CEP72: variants seen among roughly 807,000 people sequenced by gnomAD.
The protein encoded by CEP72 is centrosomal protein of 72 kDa.
In CEP72, 78 loss-of-function variants were observed where a neutral mutation model predicts 65.7. The ratio of observed to expected loss-of-function variants is 1.19; its 90% CI spans 0.99 to 1.43. The LOEUF is 1.43. Ranked by LOEUF, CEP72 falls within the 40% of genes most tolerant of loss-of-function variation. The pLI is 0.00. For missense variants in CEP72, 914 were observed against 832.9 expected (o/e 1.10, Z -1.20); for synonymous variants, 358 against 351.7 (o/e 1.02, Z -0.20).
chr5:643,545 C>T, intron 9 of CEP72: 4 of 985,370 alleles, frequency 4.1e-6, no homozygotes, highest in Non-Finnish European at 4.8e-6. Flanking sequence ...GCGGCGATAC[C>T]CCCAGCACGA....
chr5:669,266 G>T (rs568333740), downstream of CEP72, among the ~76,000 whole-genome samples: 1 of 139,204 alleles, frequency 7.2e-6, no homozygotes, highest in Admixed American at 7.1e-5. Flanking sequence ...CATCCCCCAG[G>T]GGGCGCTGGT....
At chr5:614,076 A>G (rs1390070618) in intron 1 of CEP72, among the ~76,000 whole-genome samples, 1 of 152,158 alleles carries the variant, frequency 6.6e-6, no homozygotes, top group Non-Finnish European at 1.5e-5. Context: ...GATGTTGATA[A>G]TCTGTGTATT....
intron 1 of CEP72, chr5:662,863 TCG>T (rs1739697673): frequency 1.4e-5 from 2 of 143,888 alleles, no homozygotes; most frequent in Admixed American, 6.8e-5. Context: ...CGGTGGCCAC[TCG>T]TCTGTGATCG....
intron 11 of CEP72, among the ~76,000 whole-genome samples, chr5:651,644 C>G (rs1739105246): frequency 6.6e-6 from 1 of 151,962 alleles, no homozygotes; most frequent in South Asian, 2.1e-4. Context: ...CTTAGTTTGT[C>G]TTTTAAGAAT....
In CEP72 at chr5:637,794, T is replaced by TC. The variant is rs1365262354; in HGVS notation, c.1183dup (p.Arg395ProfsTer64). 1 of 1,586,664 alleles carries TC rather than the reference T, an allele frequency of 6.3e-7. No individual in the cohort carries two copies. The highest frequency in any genetic ancestry group is 1.3e-5 in the African/African-American group (1 of 74,270). ...CCTCGGAGACTGAGGAGCAGAGGTC[T>TC]CGGGGTGTGACCGACACCAGAGAGG... On this transcript the variant is annotated frameshift_variant, in exon 7 of 12. Coordinates refer to ENST00000264935, the MANE Select transcript of CEP72 (RefSeq NM_018140.4). LOFTEE classifies it high-confidence loss of function.
rs1737944902 is a variant in CEP72, at chr5:640,587, C to T, written c.1522C>T (p.His508Tyr). ...EMSEVTAELH[H>Y]THKELDDLRQ... ...GAGCGAGGTGACGGCGGAGCTGCAC[C>T]ACACACACAAGGAGCTGGTGAGCCC... The change falls in exon 9 of 12, where the codon CAC becomes TAC. Residue 508 changes from histidine (H) to tyrosine (Y), a missense_variant. Transcript: ENST00000264935. 6.2e-7 allele frequency: 1 copy of T among 1,612,842 alleles called. No homozygotes were observed. Among genetic ancestry groups the T allele is most frequent in the Non-Finnish European group, 8.5e-7 (1 of 1,179,810 alleles).
At chr5:638,662 G>A (rs990172200) in intron 7 of CEP72, among the ~76,000 whole-genome samples, 8 of 152,154 alleles carry the variant, frequency 5.3e-5, no homozygotes, top group South Asian at 2.1e-4. Flanking sequence ...GTCTGTTTCA[G>A]GGTTATTGTT....
At chr5:664,987 C>T (rs959553665) in intron 2 of CEP72, 3 of 1,325,296 alleles carry the variant, frequency 2.3e-6, no homozygotes, top group East Asian at 2.4e-5. Flanking sequence ...CCCCAGCCCC[C>T]TCTGGGGCAC....
At chr5:642,479 G>C in intron 9 of CEP72, 1 of 985,488 alleles carries the variant, frequency 1.0e-6, no homozygotes, top group Non-Finnish European at 1.2e-6. Flanking sequence ...TTTTCTGTGG[G>C]ACACAGTCAG....
chr5:618,646 A>T (rs1341299002), intron 1 of CEP72, among the ~76,000 whole-genome samples: 1 of 152,088 alleles, frequency 6.6e-6, no homozygotes, highest in African/African-American at 2.4e-5. Context: ...GGGGCAGTGG[A>T]TGGAAAATGA....
the CEP72 span, among the ~76,000 whole-genome samples, chr5:675,402 C>G: frequency 1.0e-5 from 1 of 97,218 alleles, no homozygotes; most frequent in Non-Finnish European, 2.0e-5. Context: ...TGCAGTGTGG[C>G]CAGGGGTGCA....
At chr5:621,414 T>G (rs1736383379) in intron 3 of CEP72, among the ~76,000 whole-genome samples, 1 of 152,236 alleles carries the variant, frequency 6.6e-6, no homozygotes, top group African/African-American at 2.4e-5. Context: ...GAGATTTGTA[T>G]GTCAATTTCA....
chr5:649,185 T>TG (rs1184102246), intron 11 of CEP72, among the ~76,000 whole-genome samples: 6 of 100,186 alleles, frequency 6.0e-5, no homozygotes, highest in African/African-American at 1.2e-4. Context: ...CTGTGAGGTG[T>TG]GACTGTGAGG....
At chr5:616,192 G>A (rs1315610339) in intron 1 of CEP72, among the ~76,000 whole-genome samples, 1 of 152,086 alleles carries the variant, frequency 6.6e-6, no homozygotes, top group Non-Finnish European at 1.5e-5. Context: ...CTTAGGGCAG[G>A]TCTGCTTGTG....
rs1738722278 is a variant in CEP72, at chr5:649,225, T to TGACTGTGAGGTGTG, written c.1778+1310_1778+1323dup. On this transcript the variant is annotated intron_variant, in intron 11 of 11. Coordinates refer to ENST00000264935, the MANE Select transcript of CEP72 (RefSeq NM_018140.4). ...ACTGTGAGGTGTGGACTGTGAGGTG[T>TGACTGTGAGGTGTG]GACTGTGAGGTGTGACTGTGAGGTG... is the stretch of plus-strand genomic sequence containing the variant. Among the ~76,000 whole-genome samples the TGACTGTGAGGTGTG allele has an allele frequency of 4.6e-4, 20 of 43,124 alleles. 2 individuals carry two copies. The highest frequency in any genetic ancestry group is 1.7e-3 in the African/African-American group (13 of 7,498). The allele number at this position is 43,124 out of a possible 152,430, so 28.3% of individuals were successfully genotyped here.
intron 3 of CEP72, among the ~76,000 whole-genome samples, chr5:621,654 G>A (rs1736399865): frequency 6.6e-6 from 1 of 152,256 alleles, no homozygotes; most frequent in Non-Finnish European, 1.5e-5. Context: ...AGTAGACCGG[G>A]AAGGCTGTCT....
intron 6 of CEP72, among the ~76,000 whole-genome samples, 184 bp from the exon 7 acceptor site, chr5:637,333 C>T (rs1697983): frequency 0.25 from 37,799 of 151,956 alleles, 4,816 homozygotes; most frequent in East Asian, 0.44. Flanking sequence ...TCTGCATGTG[C>T]CTTTGTGCAG....
At chr5:616,703 G>T (rs1449752599) in intron 1 of CEP72, among the ~76,000 whole-genome samples, 1 of 152,092 alleles carries the variant, frequency 6.6e-6, no homozygotes, top group Non-Finnish European at 1.5e-5. Context: ...GAGAGTGAAG[G>T]GCACCACCTC....
rs1452269612 is a variant in CEP72 at position 645,921 on chromosome 5, G to A, written c.1666+1496G>A. ...GCGGCCTGTGTGGACGGTGAATTCG[G>A]CTTCGTTACACTGTGTGAGCGTCAC... On this transcript the variant is annotated intron_variant, in intron 10 of 11. Transcript: ENST00000264935. This position sits in a 1 kb window ranked among gnomAD's most constrained non-coding sequence, Gnocchi z 4.0. 6.6e-6 allele frequency among the ~76,000 whole-genome samples: 1 copy of A among 151,844 alleles called. No individual in the cohort carries two copies. Among genetic ancestry groups the A allele is most frequent in the Non-Finnish European group, 1.5e-5 (1 of 67,956 alleles).
Sources: allele counts gnomAD v4.1 joint callset (sites outside exome capture counted in the v4.1 genomes callset), GRCh38; gene constraint gnomAD v4.1.1; non-coding constraint Gnocchi (gnomAD v3.1); transcripts MANE v1.5; gene names NCBI Gene and HGNC (gene_info 2026-07-23, HGNC 2026-07-21).